The following PCCA variants were observed in gnomAD, a reference collection of about 807,000 sequenced individuals.
PCCA encodes propionyl-CoA carboxylase alpha chain, mitochondrial.
Under a neutral mutation model 101.3 loss-of-function variants are expected in PCCA, and 74 were observed. The observed-to-expected ratio is 0.73, with a 90% CI of 0.61 to 0.89. The LOEUF is 0.89. Among genes scored for constraint, PCCA ranks in the 40% least tolerant of loss-of-function variants. The pLI is 0.00. For synonymous variants in PCCA, 294 were observed against 313.6 expected (o/e 0.94, Z 0.66); for missense variants, 891 against 907.0 (o/e 0.98, Z 0.23).
intron 6 of PCCA, among the ~76,000 whole-genome samples, chr13:100,159,938 C>A (rs535932685): frequency 7.2e-4 from 109 of 152,278 alleles, no homozygotes; most frequent in Non-Finnish European, 1.3e-3. Context: ...TTTCCTTGGA[C>A]TTTTTGTTTC....
intron 12 of PCCA, among the ~76,000 whole-genome samples, chr13:100,286,339 G>GC (rs1179193020): frequency 6.6e-6 from 1 of 152,158 alleles, no homozygotes; most frequent in Non-Finnish European, 1.5e-5. Flanking sequence ...CACGCACGTG[G>GC]CCCCTGCTGC....
At chr13:100,247,069 C>A (rs571855991) in intron 8 of PCCA, among the ~76,000 whole-genome samples, 1 of 151,652 alleles carries the variant, frequency 6.6e-6, no homozygotes, top group African/African-American at 2.4e-5. Flanking sequence ...CCACCATGCC[C>A]GACCAAGTTT....
chr13:100,326,315 T>C (rs1156676286), intron 16 of PCCA, among the ~76,000 whole-genome samples: 3 of 152,086 alleles, frequency 2.0e-5, no homozygotes, highest in African/African-American at 4.8e-5. Context: ...GATGACTTGA[T>C]GTAGATAAAT....
chr13:100,271,665 A>G (rs533977562), intron 11 of PCCA, among the ~76,000 whole-genome samples: 2 of 152,364 alleles, frequency 1.3e-5, no homozygotes, highest in South Asian at 4.1e-4. Flanking sequence ...AGCTGTATAA[A>G]GATATTTATG....
At chr13:100,188,538 T>C (rs751274570) in intron 6 of PCCA, among the ~76,000 whole-genome samples, 2 of 152,228 alleles carry the variant, frequency 1.3e-5, no homozygotes, top group Non-Finnish European at 2.9e-5. Context: ...AGTATCTTTT[T>C]TGTATAATGA....
intron 6 of PCCA, among the ~76,000 whole-genome samples, chr13:100,195,887 T>C (rs958324893): frequency 1.3e-5 from 2 of 152,152 alleles, no homozygotes; most frequent in Admixed American, 6.6e-5. Context: ...GAGTGAAGAA[T>C]GTGAGGCTTA....
At position 100,425,931 on chromosome 13, in the gene PCCA, A is replaced by G. The variant is rs367550338; in HGVS notation, c.1845+200A>G. Reference sequence around the variant, plus strand: ...TGAGCATTTAATGTTTTCTTTTTTCAGACAATCCAAGAAGGTTCATGTATT... The same window carrying G: ...TGAGCATTTAATGTTTTCTTTTTTCGGACAATCCAAGAAGGTTCATGTATT... On this transcript the variant is annotated intron_variant, in intron 20 of 23. Transcript: ENST00000376285. 2.1e-3 allele frequency among the ~76,000 whole-genome samples: 319 copies of G among 152,032 alleles called. 3 individuals are homozygous for G. The highest frequency in any genetic ancestry group is 7.1e-3 in the African/African-American group (294 of 41,504).
At chr13:100,387,115 C>T (rs370067858) in intron 19 of PCCA, among the ~76,000 whole-genome samples, 11 of 152,222 alleles carry the variant, frequency 7.2e-5, no homozygotes, top group South Asian at 2.1e-4. Context: ...GTACACAAAA[C>T]GCAATCACTG....
At chr13:100,210,710 C>A (rs945884) in intron 7 of PCCA, among the ~76,000 whole-genome samples, 47,546 of 151,922 alleles carry the variant, frequency 0.31, 8,292 homozygotes, top group East Asian at 0.71. Flanking sequence ...TTTAACCTTG[C>A]GATTTGACTT....
At chr13:100,234,248 C>T (rs1477711613) in intron 7 of PCCA, among the ~76,000 whole-genome samples, 1 of 152,132 alleles carries the variant, frequency 6.6e-6, no homozygotes, top group Non-Finnish European at 1.5e-5. Flanking sequence ...AAAGAACCTT[C>T]CAACTCAATG....
At chr13:100,518,188 C>G (rs1253883001) in intron 22 of PCCA, among the ~76,000 whole-genome samples, 1 of 152,144 alleles carries the variant, frequency 6.6e-6, no homozygotes, top group African/African-American at 2.4e-5. Flanking sequence ...CGTTTAAATT[C>G]CAGTAATCTA....
At chr13:100,515,142 T>C (rs562668185) in intron 21 of PCCA, among the ~76,000 whole-genome samples, 1 of 152,330 alleles carries the variant, frequency 6.6e-6, no homozygotes, top group African/African-American at 2.4e-5. Flanking sequence ...TTCTCAGTTT[T>C]CTTTATAACG....
At chr13:100,458,747 T>G (rs61970529) in intron 21 of PCCA, among the ~76,000 whole-genome samples, 23,283 of 152,158 alleles carry the variant, frequency 0.15, 2,288 homozygotes, top group Middle Eastern at 0.27. Flanking sequence ...CAGATAAAAT[T>G]TGTGCCTTTA....
At chr13:100,311,896 C>A (rs757472451) in intron 16 of PCCA, among the ~76,000 whole-genome samples, 1 of 152,082 alleles carries the variant, frequency 6.6e-6, no homozygotes, top group Non-Finnish European at 1.5e-5. Context: ...ATACTGTGTG[C>A]GGAGGTTATA....
chr13:100,161,377 G>A (rs1461275427), intron 6 of PCCA: 1 of 152,142 alleles, frequency 6.6e-6, no homozygotes, highest in Non-Finnish European at 1.5e-5. Context: ...ATATACTTGA[G>A]AAAATGTTCA....
intron 19 of PCCA, among the ~76,000 whole-genome samples, chr13:100,411,819 C>T (rs2152871418): frequency 6.6e-6 from 1 of 152,240 alleles, no homozygotes; most frequent in African/African-American, 2.4e-5. Flanking sequence ...AGGAGGGCTC[C>T]ACCCCCACCA....
intron 21 of PCCA, among the ~76,000 whole-genome samples, chr13:100,500,733 A>AT (rs1376601807): frequency 5.3e-5 from 8 of 152,248 alleles, no homozygotes; most frequent in Non-Finnish European, 1.2e-4. Flanking sequence ...CAATTTAGGG[A>AT]CAGCAACATT....
chr13:100,201,605 TC>T (rs1442951348), intron 6 of PCCA, among the ~76,000 whole-genome samples: 5 of 152,052 alleles, frequency 3.3e-5, no homozygotes, highest in Non-Finnish European at 7.4e-5. Context: ...TCACCTGTAA[TC>T]CCTGCATTTT....
chr13:100,438,032 A>G (rs2080072735), intron 20 of PCCA, among the ~76,000 whole-genome samples: 1 of 152,190 alleles, frequency 6.6e-6, no homozygotes, highest in Non-Finnish European at 1.5e-5. Context: ...TAATTTTACT[A>G]ATACATTTTA....
Sources: gnomAD v4.1 joint callset for allele counts (sites outside exome capture counted in the v4.1 genomes callset) on GRCh38, gnomAD v4.1.1 for gene constraint, MANE v1.5 for transcripts, NCBI Gene and HGNC (gene_info 2026-07-23, HGNC 2026-07-21) for gene names.